CDYL2: variants seen among roughly 807,000 people sequenced by gnomAD.
CDYL2 encodes the protein chromodomain Y like 2, also known as chromodomain Y-like protein 2.
In CDYL2, 23 loss-of-function variants were observed where a neutral mutation model predicts 49.4. That is an observed-to-expected ratio of 0.47 (90% CI 0.34 to 0.66). The LOEUF is 0.66. Ranked by LOEUF, CDYL2 falls within the 30% of genes least tolerant of loss-of-function variation. The pLI is 0.01. For synonymous variants in CDYL2, 360 were observed against 268.8 expected (o/e 1.34, Z -3.32); for missense variants, 678 against 656.4 (o/e 1.03, Z -0.36).
At chr16:80,774,449 A>T (rs141490738) in intron 1 of CDYL2, among the ~76,000 whole-genome samples, 7 of 152,314 alleles carry the variant, frequency 4.6e-5, no homozygotes, top group Non-Finnish European at 1.0e-4. Context: ...AGCTTCAGTT[A>T]GACTGAAGGT....
chr16:80,697,427 T>A (rs1305154076), intron 1 of CDYL2, among the ~76,000 whole-genome samples: 1 of 152,058 alleles, frequency 6.6e-6, no homozygotes, highest in African/African-American at 2.4e-5. Context: ...TTCCTCAACA[T>A]TATAAAGGCC....
intron 1 of CDYL2, among the ~76,000 whole-genome samples, chr16:80,800,799 G>A (rs1907902220): frequency 6.6e-6 from 1 of 152,148 alleles, no homozygotes; most frequent in East Asian, 1.9e-4. Context: ...GTACAAGCAG[G>A]TAGAAACCCA....
intron 2 of CDYL2, chr16:80,679,750 C>CA (rs1260840157): frequency 4.4e-6 from 2 of 456,142 alleles, no homozygotes; most frequent in Admixed American, 4.7e-5. Context: ...GCAGGCACAA[C>CA]ACCATCTGCA....
intron 2 of CDYL2, among the ~76,000 whole-genome samples, chr16:80,682,016 C>T (rs1286765137): frequency 2.0e-5 from 3 of 152,196 alleles, no homozygotes; most frequent in Non-Finnish European, 4.4e-5. Context: ...TCTCAAAATG[C>T]GGTAGAGTCA....
chr16:80,724,757 C>T (rs1257996423), intron 1 of CDYL2, among the ~76,000 whole-genome samples: 2 of 152,226 alleles, frequency 1.3e-5, no homozygotes, highest in Middle Eastern at 3.2e-3. Context: ...CTGTGAATTA[C>T]ATCTCAGATC....
intron 2 of CDYL2, among the ~76,000 whole-genome samples, chr16:80,671,509 A>T (rs1052024854): frequency 6.6e-6 from 1 of 152,160 alleles, no homozygotes; most frequent in African/African-American, 2.4e-5. Flanking sequence ...CCCCAAACGC[A>T]TCTTCTCACC....
chr16:80,655,454 A>G (rs954199138), intron 2 of CDYL2, among the ~76,000 whole-genome samples: 2 of 152,198 alleles, frequency 1.3e-5, no homozygotes, highest in African/African-American at 4.8e-5. Flanking sequence ...TAATACCTAA[A>G]AAAATTACAG....
intron 2 of CDYL2, among the ~76,000 whole-genome samples, chr16:80,649,456 C>G (rs1463210208): frequency 6.6e-6 from 1 of 152,108 alleles, no homozygotes; most frequent in African/African-American, 2.4e-5. Context: ...ACAATAAAAA[C>G]TATAAAACAC....
chr16:80,672,246 G>A (rs1909541280), intron 2 of CDYL2, among the ~76,000 whole-genome samples: 1 of 151,108 alleles, frequency 6.6e-6, no homozygotes, highest in Non-Finnish European at 1.5e-5. Context: ...GCCCAATATG[G>A]AAATAGACGG....
chr16:80,641,644 A>C (rs1171110939), intron 2 of CDYL2, among the ~76,000 whole-genome samples: 1 of 151,250 alleles, frequency 6.6e-6, no homozygotes, highest in African/African-American at 2.4e-5. Context: ...AACTACCGCA[A>C]GGACAAAAAA....
intron 1 of CDYL2, among the ~76,000 whole-genome samples, chr16:80,748,506 T>TAAAAAA (rs538432449): frequency 5.2e-4 from 10 of 19,140 alleles, no homozygotes; most frequent in Non-Finnish European, 7.2e-4. Flanking sequence ...AAAACTCCAT[T>TAAAAAA]AAAAAAAAAA....
chr16:80,760,464 T>C (rs1597119884), intron 1 of CDYL2, among the ~76,000 whole-genome samples: 1 of 152,300 alleles, frequency 6.6e-6, no homozygotes, highest in South Asian at 2.1e-4. Flanking sequence ...TAATTGTACA[T>C]TTTAAAATAA....
chr16:80,725,452 A>G (rs966713075), intron 1 of CDYL2, among the ~76,000 whole-genome samples: 1 of 152,166 alleles, frequency 6.6e-6, no homozygotes, highest in Non-Finnish European at 1.5e-5. Context: ...CTGGCTCTAT[A>G]TCTGTCCTGT....
chr16:80,720,419 A>C (rs1358959780), intron 1 of CDYL2, among the ~76,000 whole-genome samples: 1 of 152,238 alleles, frequency 6.6e-6, no homozygotes, highest in African/African-American at 2.4e-5. Context: ...CAGGTAGAGC[A>C]AAAACAACCT....
intron 1 of CDYL2, among the ~76,000 whole-genome samples, chr16:80,759,096 CATATACT>C (rs1441391021): frequency 7.8e-5 from 4 of 51,402 alleles, no homozygotes; most frequent in Non-Finnish European, 1.3e-4. Flanking sequence ...ATCTACAAAC[CATATACT>C]ATATATATAT....
At chr16:80,614,709 C>A (rs963553098) in intron 4 of CDYL2, among the ~76,000 whole-genome samples, 1 of 151,808 alleles carries the variant, frequency 6.6e-6, no homozygotes, top group Non-Finnish European at 1.5e-5. Flanking sequence ...ACTAAAAATA[C>A]AAAAATTAGC....
chr16:80,793,267 C>A (rs573006477), intron 1 of CDYL2, among the ~76,000 whole-genome samples: 3 of 152,182 alleles, frequency 2.0e-5, no homozygotes, highest in Non-Finnish European at 4.4e-5. Context: ...GTGAAAGGGC[C>A]TCTATCACAT....
At chr16:80,644,441 C>A (rs1169276789) in intron 2 of CDYL2, among the ~76,000 whole-genome samples, 1 of 152,190 alleles carries the variant, frequency 6.6e-6, no homozygotes, top group African/African-American at 2.4e-5. Flanking sequence ...TTTTTGGGTA[C>A]CTTTTCAGCA....
intron 1 of CDYL2, among the ~76,000 whole-genome samples, chr16:80,703,044 A>G (rs1196991358): frequency 6.6e-6 from 1 of 152,228 alleles, no homozygotes; most frequent in Non-Finnish European, 1.5e-5. Flanking sequence ...ACACACATGA[A>G]TCTAGGAAAA....
Sources: gnomAD v4.1 joint callset for allele counts (sites outside exome capture counted in the v4.1 genomes callset) on GRCh38, gnomAD v4.1.1 for gene constraint, MANE v1.5 for transcripts, NCBI Gene and HGNC (gene_info 2026-07-23, HGNC 2026-07-21) for gene names.